Variants in CIITA observed in about 807,000 individuals in gnomAD.
CIITA encodes the protein class II major histocompatibility complex transactivator.
A neutral mutation model predicts 115.1 loss-of-function variants in CIITA; 72 were observed. The observed-to-expected ratio is 0.63, with a 90% CI of 0.52 to 0.76. The LOEUF (loss-of-function observed/expected upper bound fraction) is 0.76, where lower values mean the gene tolerates loss of function less well. Among genes scored for constraint, CIITA ranks in the 30% least tolerant of loss-of-function variants. The probability of loss-of-function intolerance (pLI) is 0.00; values close to 1 mark genes in which losing one functional copy is unlikely to be tolerated. For missense variants in CIITA, 1,617 were observed against 1,463.8 expected (o/e 1.10, Z -1.71); for synonymous variants, 763 against 635.6 (o/e 1.20, Z -3.02).
rs905886131 is a variant in CIITA at position 10,895,558 on chromosome 16, C to T, written c.200-111C>T. On this transcript the variant is annotated intron_variant, in intron 2 of 19. Coordinates refer to ENST00000324288, the MANE Select transcript of CIITA (RefSeq NM_000246.4). ...ACGGACAGCTCCCACGTCTGTGGGA[C>T]GCTCTCTGCAGATGGGGATGATCTC... 5.9e-5 allele frequency: 92 copies of T among 1,548,484 alleles called. No homozygotes were observed. The African/African-American group carries it at 1.0e-3, about 17-fold the overall frequency.
chr16:10,921,163 G>T (rs1271233802), intron 16 of CIITA, among the ~76,000 whole-genome samples: 3 of 152,214 alleles, frequency 2.0e-5, no homozygotes, highest in Non-Finnish European at 2.9e-5. Flanking sequence ...CACTGCACCT[G>T]CTGCTTTTAT....
In CIITA at chr16:10,942,933, G is replaced by C. The variant is rs909162057; in HGVS notation, n.2059G>C. 2 of 152,234 alleles carry C rather than the reference G, an allele frequency of 1.3e-5. No individual in the cohort carries two copies. Among genetic ancestry groups the C allele is most frequent in the Non-Finnish European group, 2.9e-5 (2 of 68,046 alleles). 9.4% of individuals were successfully genotyped at this position (152,234 alleles called of 1,614,324 possible). A position where few individuals can be genotyped will look rare whatever the true frequency, so the allele number is the denominator to read the frequency against. On this transcript the variant is annotated non_coding_transcript_exon_variant, in exon 2 of 2. Coordinates refer to the CIITA transcript ENST00000573379. The surrounding 1 kb of genome is among the most constrained non-coding windows in gnomAD (Gnocchi z 5.0). ...TCGCTTCTCCAAACTCTGGTTGCTGGAAGGTCCGCCCACTACGGAACCTGC... is the reference window on the plus strand; with the variant it reads ...TCGCTTCTCCAAACTCTGGTTGCTGCAAGGTCCGCCCACTACGGAACCTGC...
In CIITA at chr16:10,907,042, C is replaced by A. The variant is rs765687423; in HGVS notation, c.1550C>A (p.Pro517Gln). The change falls in exon 11 of 20, where the codon CCG becomes CAG. Residue 517 changes from proline (P) to glutamine (Q), a missense_variant. By Grantham distance (76) the Pro-to-Gln change is moderately conservative. Transcript: ENST00000324288. This position sits in a 1 kb window ranked among gnomAD's most constrained non-coding sequence, Gnocchi z 5.0. Reference sequence around the variant, plus strand: ...GGCTTCCTGCACAGCACGTGCGGACCGGCACCGGCGGAGCCCTGCTCCCTC... The same window carrying A: ...GGCTTCCTGCACAGCACGTGCGGACAGGCACCGGCGGAGCCCTGCTCCCTC... ...QDGFLHSTCG[P>Q]APAEPCSLRG... 2.5e-6 allele frequency: 4 copies of A among 1,607,002 alleles called. No individual in the cohort carries two copies. In the South Asian group the frequency reaches 3.3e-5, roughly 13 times the overall value.
In CIITA at chr16:10,923,324, G is replaced by C; in HGVS notation, c.*21G>C. 6.2e-7 allele frequency: 1 copy of C among 1,600,646 alleles called. No individual in the cohort carries two copies. The highest frequency in any genetic ancestry group is 8.6e-7 in the Non-Finnish European group (1 of 1,168,598). On this transcript the variant is annotated splice_region_variant and 3_prime_UTR_variant, in exon 19 of 20. Transcript: ENST00000324288. The surrounding 1 kb of genome is among the most constrained non-coding windows in gnomAD (Gnocchi z 5.2). ...GATGATCCCAGCTGTGCTCTGGACA[G>C]GGTAACCAGGGTGGGCTTGGGAGGG...
In CIITA at chr16:10,901,855, A is replaced by G. The variant is rs748849711; in HGVS notation, c.482-183A>G. 34 of 883,284 alleles carry G rather than the reference A, an allele frequency of 3.8e-5. No homozygotes were observed. Among genetic ancestry groups the G allele is most frequent in the South Asian group, 6.0e-5 (4 of 66,502 alleles). The allele number at this position is 883,284 out of a possible 1,614,324, so 54.7% of individuals were successfully genotyped here. ...GCATAGCTCTCAGAGCCAAGTCACA[A>G]GGAGAGGACTGGGGGACTGCCTGGC... On this transcript the variant is annotated intron_variant, in intron 6 of 19. Coordinates refer to ENST00000324288, the MANE Select transcript of CIITA (RefSeq NM_000246.4). The surrounding 1 kb of genome is among the most constrained non-coding windows in gnomAD (Gnocchi z 6.8).
intron 3 of CIITA, among the ~76,000 whole-genome samples, chr16:10,898,025 C>T (rs979894678): frequency 6.6e-6 from 1 of 152,178 alleles, no homozygotes; most frequent in Admixed American, 6.5e-5. Flanking sequence ...ATCTGTTCTC[C>T]TTCTCCCAGA....
chr16:10,887,822 C>T (rs1491004380), intron 1 of CIITA, among the ~76,000 whole-genome samples: 1 of 152,174 alleles, frequency 6.6e-6, no homozygotes, highest in Non-Finnish European at 1.5e-5. Flanking sequence ...AATCACAGTT[C>T]AGAGCAGTGC....
chr16:10,890,335 G>A lies in CIITA; in HGVS notation c.53-4947G>A, dbSNP rs566229033. On this transcript the variant is annotated intron_variant, in intron 1 of 19. Transcript: ENST00000324288. The stretch of plus-strand genomic sequence containing the variant: ...GTCTGGCTCTATCACCCAGGCTGGA[G>A]TGCAGTGGTGCAATCTCAGTTCACT... 6.6e-5 allele frequency among the ~76,000 whole-genome samples: 10 copies of A among 151,864 alleles called. No homozygotes were observed. In the East Asian group the frequency reaches 1.9e-3, roughly 29 times the overall value.
chr16:10,866,774 C>T (rs1194237473), intron 1 of CIITA, among the ~76,000 whole-genome samples: 1 of 152,344 alleles, frequency 6.6e-6, no homozygotes, highest in African/African-American at 2.4e-5. Context: ...GCTTCCCACT[C>T]TGCTGGAAGG....
upstream of CIITA, among the ~76,000 whole-genome samples, chr16:10,873,152 T>C (rs1482144396): frequency 6.6e-6 from 1 of 152,064 alleles, no homozygotes; most frequent in Non-Finnish European, 1.5e-5. Flanking sequence ...TTTTTATTTG[T>C]GGTAGAGATG....
At chr16:10,874,875 C>A (rs1365907228), upstream of CIITA, among the ~76,000 whole-genome samples, 1 of 152,188 alleles carries the variant, frequency 6.6e-6, no homozygotes, top group African/African-American at 2.4e-5. Flanking sequence ...CATAAAGGGA[C>A]CCCCATATGG....
chr16:10,902,614 A>G (rs2038860365), intron 7 of CIITA, 44 bp from the exon 8 acceptor site: 1 of 1,613,258 alleles, frequency 6.2e-7, no homozygotes, highest in Admixed American at 1.7e-5. Flanking sequence ...TCGCAAACAC[A>G]GGTGCTATGC....
intron 5 of CIITA, among the ~76,000 whole-genome samples, chr16:10,900,635 G>A (rs13337820): frequency 0.023 from 3,565 of 152,084 alleles, 141 homozygotes; most frequent in African/African-American, 0.082. Context: ...AGCTACCAGG[G>A]AGGCTAGGGT....
At position 10,907,231 on chromosome 16, in the gene CIITA, G is replaced by C; in HGVS notation, c.1739G>C (p.Arg580Pro). 6.2e-7 allele frequency: 1 copy of C among 1,613,482 alleles called. No homozygotes were observed. Among genetic ancestry groups the C allele is most frequent in the Non-Finnish European group, 8.5e-7 (1 of 1,179,990 alleles). The change falls in exon 11 of 20, where the codon CGC becomes CCC. Residue 580 changes from arginine to proline, a missense_variant. Physicochemically the swap from Arg to Pro is moderately radical, Grantham distance 103 (BLOSUM62 -2). Coordinates refer to ENST00000324288, the MANE Select transcript of CIITA (RefSeq NM_000246.4). The surrounding 1 kb of genome is among the most constrained non-coding windows in gnomAD (Gnocchi z 5.0). ...GAGCAGGCCCAGGCATACGTGATGC[G>C]CTACTTTGAGAGCTCAGGGATGACA... ...SMEQAQAYVM[R>P]YFESSGMTEH... is the part of the protein sequence containing the mutation.
intron 5 of CIITA, among the ~76,000 whole-genome samples, chr16:10,900,913 A>G (rs1376885259): frequency 6.6e-6 from 1 of 152,092 alleles, no homozygotes; most frequent in Non-Finnish European, 1.5e-5. Context: ...CCCATTCATT[A>G]TATTTTTGGT....
chr16:10,901,732 A>G lies in CIITA; in HGVS notation c.481+174A>G, dbSNP rs2038778383. ...CTTAGAGTCCTCTAAGGGGCTCACG[A>G]CTGTTTGTGGAAGGTGGTAGGGGCT... On this transcript the variant is annotated intron_variant, in intron 6 of 19. Transcript: ENST00000324288. The surrounding 1 kb of genome is among the most constrained non-coding windows in gnomAD (Gnocchi z 6.8). 1.4e-6 allele frequency: 1 copy of G among 716,184 alleles called. No individual in the cohort carries two copies. The highest frequency in any genetic ancestry group is 2.4e-6 in the Non-Finnish European group (1 of 423,270). 44.4% of individuals were successfully genotyped at this position (716,184 alleles called of 1,614,324 possible).
At chr16:10,911,814 G>C (rs2039603928) in intron 13 of CIITA, among the ~76,000 whole-genome samples, 1 of 152,054 alleles carries the variant, frequency 6.6e-6, no homozygotes, top group Admixed American at 6.6e-5. Context: ...GCCTCCCAAA[G>C]TGCTAGGATT....
chr16:10,909,337 T>G, intron 12 of CIITA, 150 bp downstream of exon 12: 1 of 871,178 alleles, frequency 1.1e-6, no homozygotes, highest in Non-Finnish European at 1.9e-6. Flanking sequence ...AACCAGAGTC[T>G]CTCACTGCAC....
intron 13 of CIITA, among the ~76,000 whole-genome samples, 158 bp from the exon 14 acceptor site, chr16:10,915,412 G>A (rs546872943): frequency 1.2e-4 from 18 of 152,264 alleles, no homozygotes; most frequent in South Asian, 4.1e-4. Flanking sequence ...GGGGTCCTAC[G>A]TGGAAGGGTT....
Sources: allele counts gnomAD v4.1 joint callset (sites outside exome capture counted in the v4.1 genomes callset), GRCh38; gene constraint gnomAD v4.1.1; non-coding constraint Gnocchi (gnomAD v3.1); transcripts MANE v1.5; gene names NCBI Gene and HGNC (gene_info 2026-07-23, HGNC 2026-07-21).